The following DENND2C variants were observed in gnomAD, a reference collection of about 807,000 sequenced individuals.
DENND2C encodes DENN domain containing 2C.
In DENND2C, 72 loss-of-function variants were observed where a neutral mutation model predicts 112.4. The ratio of observed to expected loss-of-function variants is 0.64; its 90% confidence interval spans 0.53 to 0.78. The LOEUF is 0.78. DENND2C is among the 30% of genes least tolerant of loss of function. The pLI is 0.00. For missense variants in DENND2C, 992 were observed against 1,113.8 expected (o/e 0.89, Z 1.56); for synonymous variants, 329 against 381.6 (o/e 0.86, Z 1.61).
rs1428680830 is a variant in DENND2C, at chr1:114,608,678, G to T, written c.1557+8C>A. ...TTCCTGAATGCCTCTTGGCCTCCTT[G>T]TGCCTACCTTGCCAGGGAATTGTTG... On this transcript the variant is annotated splice_region_variant and intron_variant, in intron 10 of 20. Transcript: ENST00000393274. 6.2e-7 allele frequency: 1 copy of T among 1,612,868 alleles called. No homozygotes were observed. The highest frequency in any genetic ancestry group is 1.7e-5 in the Admixed American group (1 of 59,858).
At chr1:114,621,772 TA>T in intron 7 of DENND2C, 122 bp downstream of exon 7, 1 of 1,282,162 alleles carries the variant, frequency 7.8e-7, no homozygotes. Context: ...CGCTGCCTTC[TA>T]AGTCTTCTAA....
chr1:114,605,071 T>A, intron 10 of DENND2C, 40 bp from the exon 11 acceptor site: 1 of 1,432,202 alleles, frequency 7.0e-7, no homozygotes, highest in Non-Finnish European at 9.6e-7. Flanking sequence ...AATTATACTA[T>A]GTAAGTGGGG....
Position 114,604,915 on chromosome 1 carries a change from C to T in DENND2C, c.1667+7G>A. On this transcript the variant is annotated splice_region_variant and intron_variant, in intron 11 of 20. Coordinates refer to ENST00000393274, the MANE Select transcript of DENND2C (RefSeq NM_001256404.2). ...TGAATAGAAATCAGATAAATTAGCC[C>T]ATTTACCTCTTGAGTTCTGAGGTTG... 6.3e-7 allele frequency: 1 copy of T among 1,590,396 alleles called. No individual in the cohort carries two copies. The highest frequency in any genetic ancestry group is 8.6e-7 in the Non-Finnish European group (1 of 1,159,186).
rs193029203 is a variant in DENND2C, at chr1:114,669,326, C to T, written c.-574+657G>A. ...TTTCACAGTTACGGAAAGAGAGGCC[C>T]AGGAAGTTAATTTGGCCGAGGTATC... On this transcript the variant is annotated intron_variant, in intron 1 of 20. Coordinates refer to ENST00000393274, the MANE Select transcript of DENND2C (RefSeq NM_001256404.2). Among the ~76,000 whole-genome samples the T allele has an allele frequency of 1.8e-3, 269 of 152,208 alleles. 3 individuals are homozygous for T. The highest frequency in any genetic ancestry group is 2.6e-4 in the Non-Finnish European group (18 of 67,988).
At chr1:114,596,039 C>T (rs1478069904) in intron 16 of DENND2C, among the ~76,000 whole-genome samples, 166 bp from the exon 17 acceptor site, 7 of 152,190 alleles carry the variant, frequency 4.6e-5, no homozygotes, top group Non-Finnish European at 8.8e-5. Flanking sequence ...ATGACATGCA[C>T]ACCTATAGAT....
At chr1:114,614,202 A>G (rs1032109116) in intron 8 of DENND2C, among the ~76,000 whole-genome samples, 1 of 151,000 alleles carries the variant, frequency 6.6e-6, no homozygotes, top group Non-Finnish European at 1.5e-5. Flanking sequence ...ATTGCACCCC[A>G]GCCTGTGTGA....
Position 114,634,959 on chromosome 1 carries a change from C to T in DENND2C, c.-204-8771G>A, listed in dbSNP as rs1192568940. 2.8e-5 allele frequency among the ~76,000 whole-genome samples: 4 copies of T among 140,968 alleles called. No individual in the cohort carries two copies. In the East Asian group the frequency reaches 6.4e-4, roughly 23 times the overall value. The allele number at this position is 140,968 out of a possible 152,430, so 92.5% of individuals were successfully genotyped here. On this transcript the variant is annotated intron_variant, in intron 3 of 20. Coordinates refer to ENST00000393274, the MANE Select transcript of DENND2C (RefSeq NM_001256404.2). ...ACGAGAATCGCTTGAACCTGGGAGG[C>T]GGAGGTTGCAGTGAGCCGAGATCAT...
intron 3 of DENND2C, among the ~76,000 whole-genome samples, chr1:114,633,163 T>C (rs746439385): frequency 2.6e-5 from 4 of 151,990 alleles, no homozygotes; most frequent in Non-Finnish European, 4.4e-5. Context: ...AAAAATCACT[T>C]TATGCCGGCG....
chr1:114,633,825 C>T (rs1435170162), intron 3 of DENND2C, among the ~76,000 whole-genome samples: 3 of 152,136 alleles, frequency 2.0e-5, no homozygotes, highest in African/African-American at 7.2e-5. Flanking sequence ...ATGGGTTAAG[C>T]TCTAAGTACA....
intron 7 of DENND2C, 59 bp downstream of exon 7, chr1:114,621,836 T>C (rs1656173937): frequency 6.5e-7 from 1 of 1,540,516 alleles, no homozygotes; most frequent in Non-Finnish European, 8.8e-7. Context: ...AGTTTACTTA[T>C]TCTCATTCAT....
intron 20 of DENND2C, 64 bp from the exon 21 acceptor site, chr1:114,585,695 G>A (rs1239631478): frequency 6.5e-7 from 1 of 1,537,944 alleles, no homozygotes; most frequent in Non-Finnish European, 9.0e-7. Context: ...ATTATTTGAG[G>A]TAAGGGATTA....
intron 8 of DENND2C, among the ~76,000 whole-genome samples, chr1:114,613,662 AG>A (rs1655883033): frequency 1.3e-5 from 2 of 152,132 alleles, no homozygotes; most frequent in South Asian, 4.1e-4. Flanking sequence ...GAGAGAAGAA[AG>A]GGAGAAAAGG....
intron 18 of DENND2C, among the ~76,000 whole-genome samples, chr1:114,588,169 T>C (rs540666974): frequency 2.0e-5 from 3 of 152,192 alleles, no homozygotes; most frequent in Admixed American, 2.0e-4. Context: ...ACATACTCCT[T>C]CTACATCTTG....
intron 3 of DENND2C, among the ~76,000 whole-genome samples, chr1:114,636,749 T>C (rs1371609961): frequency 6.7e-6 from 1 of 150,160 alleles, no homozygotes; most frequent in East Asian, 1.9e-4. Flanking sequence ...GAAGTAAAGC[T>C]GTTTTTTTTT....
chr1:114,625,595 ATCT>A lies in DENND2C; in HGVS notation c.387_389del (p.Glu129del), dbSNP rs774959242. 1 of 1,614,138 alleles carries A rather than the reference ATCT, an allele frequency of 6.2e-7. No individual in the cohort carries two copies. Among genetic ancestry groups the A allele is most frequent in the South Asian group, 1.1e-5 (1 of 91,078 alleles). Reference sequence around the variant, plus strand: ...GTAATGAAGTCTCTGGATCTAAGACATCTTCTTTACAGCTTTCAATTTCTTTGA... The same window carrying A: ...GTAATGAAGTCTCTGGATCTAAGACATCTTTACAGCTTTCAATTTCTTTGA... On this transcript the variant is annotated inframe_deletion, in exon 4 of 21. Transcript: ENST00000393274.
chr1:114,594,699 G>A, intron 17 of DENND2C, 121 bp from the exon 18 acceptor site: 2 of 755,106 alleles, frequency 2.6e-6, no homozygotes, highest in Non-Finnish European at 4.2e-6. Context: ...TGGCTAAAGA[G>A]TCAGTCTGAA....
At chr1:114,662,125 G>A (rs1312925948) in intron 1 of DENND2C, among the ~76,000 whole-genome samples, 1 of 152,126 alleles carries the variant, frequency 6.6e-6, no homozygotes, top group Non-Finnish European at 1.5e-5. Flanking sequence ...CTGTTGTGGA[G>A]CAGCCTATGT....
chr1:114,647,417 G>A (rs1379773551), intron 2 of DENND2C, among the ~76,000 whole-genome samples: 6 of 150,788 alleles, frequency 4.0e-5, no homozygotes, highest in African/African-American at 9.8e-5. Flanking sequence ...GCGTGATCTC[G>A]ACTCCCTGCA....
chr1:114,621,818 C>T (rs769204980), intron 7 of DENND2C, 77 bp downstream of exon 7: 759 of 1,511,222 alleles, frequency 5.0e-4, no homozygotes, highest in Non-Finnish European at 6.6e-4. Flanking sequence ...TTATTCATTT[C>T]GGTCTAAAGT....
Sources: gnomAD v4.1 joint callset for allele counts (sites outside exome capture counted in the v4.1 genomes callset) on GRCh38, gnomAD v4.1.1 for gene constraint, MANE v1.5 for transcripts, NCBI Gene and HGNC (gene_info 2026-07-23, HGNC 2026-07-21) for gene names.